FSHR: variants seen among roughly 807,000 people sequenced by gnomAD.
FSHR encodes the protein follicle stimulating hormone receptor.
In FSHR, 46 loss-of-function variants were observed where a neutral mutation model predicts 52.1. The observed-to-expected ratio is 0.88, with a 90% confidence interval of 0.70 to 1.13. The LOEUF is 1.13. Ranked by LOEUF, FSHR falls within the 50% of genes most tolerant of loss-of-function variation. FSHR has a pLI of 0.00. For missense variants in FSHR, 964 were observed against 834.6 expected, an observed-to-expected ratio of 1.16 and a Z score of -1.91; for synonymous variants, 399 against 309.6, an observed-to-expected ratio of 1.29 and a Z score of -3.03.
intron 1 of FSHR, among the ~76,000 whole-genome samples, chr2:49,099,162 C>G (rs1670935102): frequency 6.6e-6 from 1 of 152,058 alleles, no homozygotes; most frequent in African/African-American, 2.4e-5. Context: ...TGTTCCTACC[C>G]AAATCTCATC....
chr2:48,984,303 A>G (rs1293183585), intron 6 of FSHR, among the ~76,000 whole-genome samples: 9 of 152,182 alleles, frequency 5.9e-5, no homozygotes, highest in Admixed American at 5.9e-4. Flanking sequence ...AGAAGTGGCT[A>G]TGCACCCCCA....
chr2:48,976,560 C>G (rs191203518), intron 8 of FSHR, among the ~76,000 whole-genome samples: 1 of 152,280 alleles, frequency 6.6e-6, no homozygotes, highest in East Asian at 1.9e-4. Flanking sequence ...AGGAATGGTA[C>G]CAGCTCCTTT....
intron 2 of FSHR, among the ~76,000 whole-genome samples, chr2:49,067,843 T>C (rs920356588): frequency 7.9e-5 from 12 of 152,032 alleles, no homozygotes; most frequent in African/African-American, 2.9e-4. Context: ...ACAGCATAGA[T>C]GTTAAGTCCT....
intron 1 of FSHR, among the ~76,000 whole-genome samples, chr2:49,115,369 C>A (rs558504424): frequency 6.6e-6 from 1 of 152,130 alleles, no homozygotes; most frequent in Admixed American, 6.6e-5. Context: ...TATTGAACAC[C>A]TTCTATGGAG....
chr2:49,087,889 A>G (rs1670459830), intron 1 of FSHR, among the ~76,000 whole-genome samples: 1 of 152,226 alleles, frequency 6.6e-6, no homozygotes, highest in Non-Finnish European at 1.5e-5. Flanking sequence ...TTATATTGAG[A>G]GAGAGATATG....
chr2:49,102,113 G>C (rs1671047308), intron 1 of FSHR, among the ~76,000 whole-genome samples: 1 of 152,144 alleles, frequency 6.6e-6, no homozygotes, highest in Admixed American at 6.6e-5. Context: ...GGGAAGCTAA[G>C]CATGATGGGC....
At chr2:49,070,439 G>C (rs1669687245) in intron 1 of FSHR, among the ~76,000 whole-genome samples, 1 of 152,066 alleles carries the variant, frequency 6.6e-6, no homozygotes, top group Non-Finnish European at 1.5e-5. Flanking sequence ...ATACATACAA[G>C]TTCCTTTTGT....
chr2:49,118,892 A>T (rs1671699285), intron 1 of FSHR, among the ~76,000 whole-genome samples: 1 of 152,314 alleles, frequency 6.6e-6, no homozygotes, highest in Admixed American at 6.5e-5. Context: ...TTTGCATGGG[A>T]TCCTCTCTTG....
At position 49,091,809 on chromosome 2, in the gene FSHR, A is replaced by G. The variant is rs369839257; in HGVS notation, c.153-23519T>C. On this transcript the variant is annotated intron_variant, in intron 1 of 9. Transcript: ENST00000406846. ...ATAGTAAGTCTTTAAATTGGTTAAC[A>G]TGAGTTCTCTGATTTGGTTCTTCTT... Among the ~76,000 whole-genome samples the G allele has an allele frequency of 1.7e-3, 256 of 152,294 alleles. 1 individual carries two copies. Among genetic ancestry groups the G allele is most frequent in the African/African-American group, 5.8e-3 (243 of 41,562 alleles).
At chr2:49,025,022 A>C (rs1436455571) in intron 2 of FSHR, among the ~76,000 whole-genome samples, 3 of 152,196 alleles carry the variant, frequency 2.0e-5, no homozygotes, top group Non-Finnish European at 4.4e-5. Context: ...CTCCCAGTCA[A>C]ATGTTTGCTG....
At chr2:49,148,687 A>T (rs1458266361) in intron 1 of FSHR, among the ~76,000 whole-genome samples, 1 of 152,088 alleles carries the variant, frequency 6.6e-6, no homozygotes, top group African/African-American at 2.4e-5. Flanking sequence ...GGAAGACTTC[A>T]TGAAAGAGGC....
At chr2:49,100,418 C>G (rs1425144026) in intron 1 of FSHR, among the ~76,000 whole-genome samples, 2 of 152,158 alleles carry the variant, frequency 1.3e-5, no homozygotes, top group Non-Finnish European at 2.9e-5. Flanking sequence ...ATAAAATACT[C>G]AACTGTTCAG....
At chr2:48,992,313 G>C (rs900770128) in intron 4 of FSHR, among the ~76,000 whole-genome samples, 2 of 152,108 alleles carry the variant, frequency 1.3e-5, no homozygotes, top group African/African-American at 4.8e-5. Context: ...AAATTCCCTT[G>C]TGTTTTCCCT....
chr2:48,962,744 C>A lies in FSHR; in HGVS notation c.2077G>T (p.Ala693Ser). 1 of 1,613,834 alleles carries A rather than the reference C, an allele frequency of 6.2e-7. No homozygotes were observed. The highest frequency in any genetic ancestry group is 8.5e-7 in the Non-Finnish European group (1 of 1,179,784). Reference protein sequence around the residue: ...TYILVPLSHLAQN With the variant: ...TYILVPLSHLSQN ...TTTCACATTGTGTTTTAGTTTTGGGCTAAATGACTTAGAGGGACAAGTATG... is the reference window on the plus strand; with the variant it reads ...TTTCACATTGTGTTTTAGTTTTGGGATAAATGACTTAGAGGGACAAGTATG... The change falls in exon 10 of 10, where the codon GCC (alanine) becomes TCC (serine). Residue 693 changes from alanine to serine, a missense_variant. Transcript: ENST00000406846.
intron 1 of FSHR, among the ~76,000 whole-genome samples, chr2:49,070,525 C>T (rs1669691266): frequency 1.3e-5 from 2 of 152,036 alleles, no homozygotes; most frequent in African/African-American, 2.4e-5. Flanking sequence ...TTAAACTACG[C>T]AACACTCTAA....
chr2:49,092,722 A>G (rs1416786941), intron 1 of FSHR, among the ~76,000 whole-genome samples: 1 of 152,070 alleles, frequency 6.6e-6, no homozygotes, highest in Non-Finnish European at 1.5e-5. Flanking sequence ...GCTGGAGTGC[A>G]GTGGGTGATC....
chr2:48,993,958 G>C (rs1675905042), intron 4 of FSHR, among the ~76,000 whole-genome samples: 1 of 152,048 alleles, frequency 6.6e-6, no homozygotes, highest in African/African-American at 2.4e-5. Context: ...ATCTGTTTTA[G>C]CACTCCTCAA....
intron 1 of FSHR, among the ~76,000 whole-genome samples, chr2:49,117,011 C>T (rs1295610202): frequency 6.6e-6 from 1 of 152,176 alleles, no homozygotes; most frequent in Non-Finnish European, 1.5e-5. Context: ...CATTCTTCCC[C>T]TTCTTTGCCT....
intron 8 of FSHR, among the ~76,000 whole-genome samples, chr2:48,970,193 C>G (rs1674676529): frequency 6.6e-6 from 1 of 152,152 alleles, no homozygotes; most frequent in Non-Finnish European, 1.5e-5. Flanking sequence ...TTATCTTGCT[C>G]AAAAATTTAT....
Sources: allele counts gnomAD v4.1 joint callset (sites outside exome capture counted in the v4.1 genomes callset), GRCh38; gene constraint gnomAD v4.1.1; transcripts MANE v1.5; gene names NCBI Gene and HGNC (gene_info 2026-07-23, HGNC 2026-07-21).